GALNT13: variants seen among roughly 807,000 people sequenced by gnomAD.
GALNT13 encodes the protein UDP-GalNAc:polypeptide N-acetylgalactosaminyltransferase 13.
Under a neutral mutation model 64.2 loss-of-function variants are expected in GALNT13, and 28 were observed. The ratio of observed to expected loss-of-function variants is 0.44; its 90% CI spans 0.32 to 0.60. The LOEUF is 0.60. Ranked by LOEUF, GALNT13 falls within the 20% of genes least tolerant of loss-of-function variation. GALNT13 has a pLI of 0.05. For missense variants in GALNT13, 577 were observed against 669.8 expected, an observed-to-expected ratio of 0.86 and a Z score of 1.53; for synonymous variants, 214 against 224.6, an observed-to-expected ratio of 0.95 and a Z score of 0.42.
the GALNT13 span, among the ~76,000 whole-genome samples, chr2:153,111,179 GATCT>G: frequency 3.3e-5 from 5 of 152,000 alleles, no homozygotes; most frequent in African/African-American, 1.2e-4. Context: ...GATTTAAAAG[GATCT>G]ATCTTTTAGG....
the GALNT13 span, among the ~76,000 whole-genome samples, chr2:153,123,120 A>G: frequency 6.6e-6 from 1 of 152,188 alleles, no homozygotes; most frequent in Non-Finnish European, 1.5e-5. Flanking sequence ...ATATGAAGAT[A>G]CAGAAGACAC....
At chr2:153,187,077 C>T in the GALNT13 span, among the ~76,000 whole-genome samples, 1 of 152,104 alleles carries the variant, frequency 6.6e-6, no homozygotes, top group Non-Finnish European at 1.5e-5. Context: ...TAAATTGAAT[C>T]CAAATTTAAG....
intron 4 of GALNT13, among the ~76,000 whole-genome samples, chr2:154,210,070 T>G (rs1020585895): frequency 1.4e-4 from 22 of 152,298 alleles, no homozygotes; most frequent in African/African-American, 5.3e-4. Context: ...TAGATTCCAC[T>G]CATAAGTAAG....
At chr2:154,251,319 T>A (rs982824198) in intron 7 of GALNT13, among the ~76,000 whole-genome samples, 10 of 152,178 alleles carry the variant, frequency 6.6e-5, no homozygotes, top group African/African-American at 2.4e-4. Context: ...CTCTACATCC[T>A]TGTGGAAGCT....
chr2:153,905,704 C>T (rs907618902), intron 2 of GALNT13, among the ~76,000 whole-genome samples: 4 of 151,968 alleles, frequency 2.6e-5, no homozygotes, highest in Non-Finnish European at 5.9e-5. Context: ...AAGAAGCATT[C>T]TTACCATAGA....
chr2:154,387,573 TC>T (rs1698574318), intron 9 of GALNT13, among the ~76,000 whole-genome samples: 1 of 152,118 alleles, frequency 6.6e-6, no homozygotes, highest in Non-Finnish European at 1.5e-5. Flanking sequence ...AACTCCTCAT[TC>T]CTCCCTCCTC....
the GALNT13 span, among the ~76,000 whole-genome samples, chr2:153,810,287 A>G: frequency 6.6e-6 from 1 of 152,050 alleles, no homozygotes; most frequent in African/African-American, 2.4e-5. Context: ...AATTCTTTTG[A>G]CTTGAAAATC....
the GALNT13 span, among the ~76,000 whole-genome samples, chr2:153,728,688 A>G: frequency 6.6e-6 from 1 of 152,160 alleles, no homozygotes; most frequent in Non-Finnish European, 1.5e-5. Context: ...ACCCTTCAAA[A>G]AATCAATGAA....
At chr2:153,994,807 T>A (rs1407933383) in intron 3 of GALNT13, among the ~76,000 whole-genome samples, 1 of 152,230 alleles carries the variant, frequency 6.6e-6, no homozygotes, top group East Asian at 1.9e-4. Flanking sequence ...CTTCATAGAT[T>A]CTGGATACTA....
At chr2:153,361,277 C>T in the GALNT13 span, among the ~76,000 whole-genome samples, 6 of 152,016 alleles carry the variant, frequency 3.9e-5, no homozygotes, top group South Asian at 2.1e-4. Flanking sequence ...AATGAAAAAA[C>T]GCTGAAACCT....
the GALNT13 span, among the ~76,000 whole-genome samples, chr2:153,193,488 C>T: frequency 6.6e-6 from 1 of 150,766 alleles, no homozygotes; most frequent in Non-Finnish European, 1.5e-5. Context: ...GGAGATATAC[C>T]TAATGCTAGA....
chr2:153,785,190 G>C, the GALNT13 span, among the ~76,000 whole-genome samples: 1 of 152,178 alleles, frequency 6.6e-6, no homozygotes, highest in African/African-American at 2.4e-5. Context: ...CTAGGGGCTG[G>C]AGTGGACCCT....
chr2:154,348,909 A>C (rs566845982), intron 9 of GALNT13, among the ~76,000 whole-genome samples: 6 of 152,320 alleles, frequency 3.9e-5, no homozygotes, highest in Admixed American at 2.6e-4. Flanking sequence ...TGAAAAGACT[A>C]GTGAATTCTT....
chr2:153,395,740 A>C, the GALNT13 span, among the ~76,000 whole-genome samples: 4 of 152,248 alleles, frequency 2.6e-5, no homozygotes, highest in African/African-American at 9.6e-5. Flanking sequence ...GAAAAGGATC[A>C]GGTGATGAAT....
chr2:153,454,954 AAGG>A, the GALNT13 span, among the ~76,000 whole-genome samples: 2 of 152,230 alleles, frequency 1.3e-5, no homozygotes, highest in African/African-American at 4.8e-5. Flanking sequence ...AGTTCTGCAG[AAGG>A]AGGTGTGTAG....
At chr2:153,406,787 G>A in the GALNT13 span, among the ~76,000 whole-genome samples, 10 of 152,138 alleles carry the variant, frequency 6.6e-5, no homozygotes, top group Non-Finnish European at 8.8e-5. Context: ...CGTCCAACAA[G>A]TGAATTTTCT....
the GALNT13 span, among the ~76,000 whole-genome samples, chr2:153,829,435 A>G: frequency 1.2e-4 from 18 of 151,802 alleles, no homozygotes; most frequent in East Asian, 3.1e-3. Context: ...AAAGAGAGAG[A>G]GAGCTTGTGC....
the GALNT13 span, among the ~76,000 whole-genome samples, chr2:153,372,119 C>T: frequency 3.3e-5 from 5 of 152,152 alleles, no homozygotes; most frequent in Admixed American, 1.3e-4. Context: ...ATATGTCCAG[C>T]TGTCAACATT....
At chr2:153,852,303 T>C in the GALNT13 span, among the ~76,000 whole-genome samples, 1 of 152,086 alleles carries the variant, frequency 6.6e-6, no homozygotes, top group African/African-American at 2.4e-5. Flanking sequence ...ACTTTAAATA[T>C]ATGCCAATCA....
Sources: allele counts gnomAD v4.1 joint callset (sites outside exome capture counted in the v4.1 genomes callset), GRCh38; gene constraint gnomAD v4.1.1; transcripts MANE v1.5; gene names NCBI Gene and HGNC (gene_info 2026-07-23, HGNC 2026-07-21).